The following NACC2 variants were observed in gnomAD, a reference collection of about 807,000 sequenced individuals.
NACC2 encodes the protein nucleus accumbens-associated protein 2.
NACC2 carries 8 observed loss-of-function variants against 25.1 expected under a neutral mutation model. That is an observed-to-expected ratio of 0.32 (90% CI 0.19 to 0.57). NACC2 has a LOEUF of 0.57. Among genes scored for constraint, NACC2 ranks in the 20% least tolerant of loss-of-function variants. The pLI is 0.89. For missense variants in NACC2, 644 were observed against 650.2 expected, an observed-to-expected ratio of 0.99 and a Z score of 0.10; for synonymous variants, 435 against 294.7, an observed-to-expected ratio of 1.48 and a Z score of -4.88.
rs536047519 is a variant in NACC2, at chr9:136,084,415, C to T, written c.-60+10774G>A. ...CACCTCCTACGCAATGTCCGGTCTC[C>T]GCTGGTGGGGCAACGTCCAAGAAGG... On this transcript the variant is annotated intron_variant, in intron 1 of 5. Coordinates refer to ENST00000277554, the MANE Select transcript of NACC2 (RefSeq NM_144653.5). This position sits in a 1 kb window ranked among gnomAD's most constrained non-coding sequence, Gnocchi z 5.1. Among the ~76,000 whole-genome samples, 1 of 152,152 alleles carries T rather than the reference C, an allele frequency of 6.6e-6. No homozygotes were observed. The highest frequency in any genetic ancestry group is 1.5e-5 in the Non-Finnish European group (1 of 68,040).
chr9:136,026,055 A>C (rs1840381835), intron 2 of NACC2, among the ~76,000 whole-genome samples: 1 of 151,994 alleles, frequency 6.6e-6, no homozygotes, highest in African/African-American at 2.4e-5. Flanking sequence ...ATAAGAAAGA[A>C]TAGGCCAGGC....
At chr9:136,049,135 G>C (rs557881670) in intron 2 of NACC2, among the ~76,000 whole-genome samples, 13 of 152,362 alleles carry the variant, frequency 8.5e-5, no homozygotes, top group African/African-American at 3.1e-4. Context: ...GAAAGGAACG[G>C]AGAGGAGGGG....
intron 2 of NACC2, among the ~76,000 whole-genome samples, chr9:136,029,730 G>A (rs2034720878): frequency 6.6e-6 from 1 of 152,200 alleles, no homozygotes; most frequent in South Asian, 2.1e-4. Flanking sequence ...CTGCAGCCCT[G>A]CAGGGAGCCG....
chr9:136,052,484 G>A (rs986178783), intron 1 of NACC2, among the ~76,000 whole-genome samples: 1 of 152,014 alleles, frequency 6.6e-6, no homozygotes, highest in Admixed American at 6.6e-5. Context: ...AGCCAGGGAA[G>A]GGGAGGGGAG....
intron 2 of NACC2, among the ~76,000 whole-genome samples, chr9:136,021,225 T>C (rs1372656952): frequency 6.6e-6 from 1 of 152,180 alleles, no homozygotes; most frequent in Non-Finnish European, 1.5e-5. Flanking sequence ...GGCAAAAGAT[T>C]TGAAGACTCT....
At chr9:136,083,770 T>G (rs1441993408) in intron 1 of NACC2, among the ~76,000 whole-genome samples, 1 of 152,156 alleles carries the variant, frequency 6.6e-6, no homozygotes, top group African/African-American at 2.4e-5. Flanking sequence ...TCCCCACCTC[T>G]CCACCTGTTA....
chr9:136,041,095 A>AAAGGAAAGGAAAG (rs1554738678), intron 2 of NACC2, among the ~76,000 whole-genome samples: 2 of 146,342 alleles, frequency 1.4e-5, no homozygotes, highest in Admixed American at 1.4e-4. Context: ...GAAGCAAAGG[A>AAAGGAAAGGAAAG]AAGGAAAGGA....
intron 1 of NACC2, among the ~76,000 whole-genome samples, chr9:136,051,876 AAGGAGGAGGAGG>A (rs1162435573): frequency 0.011 from 1,513 of 132,392 alleles, 24 homozygotes; most frequent in African/African-American, 0.047. Flanking sequence ...GGGAGCCGGC[AAGGAGGAGGAGG>A]AGGAGGAGGA....
At chr9:136,040,437 A>G (rs1840611198) in intron 2 of NACC2, among the ~76,000 whole-genome samples, 2 of 152,350 alleles carry the variant, frequency 1.3e-5, no homozygotes, top group East Asian at 1.9e-4. Flanking sequence ...ACATCAAATT[A>G]AAATAAAATA....
intron 1 of NACC2, among the ~76,000 whole-genome samples, chr9:136,053,652 G>A (rs1840881961): frequency 6.6e-6 from 1 of 152,158 alleles, no homozygotes. Flanking sequence ...CAGCACAGAG[G>A]GCAGAGGCCC....
chr9:136,075,990 G>C (rs1234783207), intron 1 of NACC2, among the ~76,000 whole-genome samples: 2 of 152,150 alleles, frequency 1.3e-5, no homozygotes, highest in African/African-American at 4.8e-5. Flanking sequence ...ACAAAACTCC[G>C]AGACACCCGC....
chr9:136,089,814 A>G (rs1409551030), intron 1 of NACC2, among the ~76,000 whole-genome samples: 3 of 151,718 alleles, frequency 2.0e-5, no homozygotes, highest in African/African-American at 7.3e-5. Context: ...CAATTATAGC[A>G]CAAATCTCTC....
At chr9:136,085,330 A>C in intron 1 of NACC2, among the ~76,000 whole-genome samples, 1 of 151,276 alleles carries the variant, frequency 6.6e-6, no homozygotes, top group Non-Finnish European at 1.5e-5. Context: ...AAATTTTTTT[A>C]ATTAGCCAGA....
intron 1 of NACC2, among the ~76,000 whole-genome samples, chr9:136,057,470 G>T (rs562108406): frequency 1.3e-5 from 2 of 152,336 alleles, no homozygotes; most frequent in East Asian, 3.9e-4. Context: ...CACACTGTGG[G>T]ATGCTCCCTC....
At chr9:136,091,329 G>A (rs1269970572) in intron 1 of NACC2, among the ~76,000 whole-genome samples, 2 of 152,220 alleles carry the variant, frequency 1.3e-5, no homozygotes, top group African/African-American at 4.8e-5. Flanking sequence ...AGGGAGGACG[G>A]GTTCCTCACT....
chr9:136,029,148 T>C (rs550798619), intron 2 of NACC2, among the ~76,000 whole-genome samples: 105 of 152,306 alleles, frequency 6.9e-4, no homozygotes, highest in African/African-American at 2.5e-3. Context: ...TGAGAACTTA[T>C]GTTGCCTTTT....
chr9:136,071,385 A>G (rs1841149643), intron 1 of NACC2, among the ~76,000 whole-genome samples: 1 of 151,770 alleles, frequency 6.6e-6, no homozygotes, highest in African/African-American at 2.4e-5. Context: ...TCTACTAAAG[A>G]TATGAAAATT....
intron 1 of NACC2, among the ~76,000 whole-genome samples, chr9:136,072,374 T>C (rs1344098294): frequency 6.6e-6 from 1 of 152,054 alleles, no homozygotes; most frequent in Non-Finnish European, 1.5e-5. Context: ...AGTGAAATCC[T>C]GTCGCTAATG....
intron 1 of NACC2, among the ~76,000 whole-genome samples, chr9:136,076,544 G>A (rs1016096852): frequency 2.0e-5 from 3 of 152,120 alleles, no homozygotes; most frequent in Non-Finnish European, 4.4e-5. Context: ...GGGGGACTGC[G>A]GAGGGGAGTT....
Sources: gnomAD v4.1 joint callset for allele counts (sites outside exome capture counted in the v4.1 genomes callset) on GRCh38, gnomAD v4.1.1 for gene constraint, Gnocchi (gnomAD v3.1) non-coding constraint, MANE v1.5 for transcripts, NCBI Gene and HGNC (gene_info 2026-07-23, HGNC 2026-07-21) for gene names.